TMEFF2: variants seen among roughly 807,000 people sequenced by gnomAD.
The protein encoded by TMEFF2 is tomoregulin-2.
A neutral mutation model predicts 53.8 loss-of-function variants in TMEFF2; 28 were observed. The ratio of observed to expected loss-of-function variants is 0.52; its 90% CI spans 0.39 to 0.71. TMEFF2 has a LOEUF of 0.71. Among genes scored for constraint, TMEFF2 ranks in the 30% least tolerant of loss-of-function variants. The pLI is 0.00. For missense variants in TMEFF2, 353 were observed against 455.2 expected (o/e 0.78, Z 2.04); for synonymous variants, 162 against 166.3 (o/e 0.97, Z 0.20).
chr2:191,958,185 G>A (rs374171271), intron 7 of TMEFF2, among the ~76,000 whole-genome samples: 2 of 152,294 alleles, frequency 1.3e-5, no homozygotes, highest in South Asian at 2.1e-4. Context: ...CTGTTTAAAG[G>A]AGACTTTAGC....
At chr2:192,107,677 C>T (rs979798486) in intron 4 of TMEFF2, among the ~76,000 whole-genome samples, 11 of 151,694 alleles carry the variant, frequency 7.3e-5, no homozygotes, top group African/African-American at 2.7e-4. Flanking sequence ...AGATATTCTT[C>T]CTATGTTTAT....
chr2:192,061,866 C>A (rs1320316184), intron 4 of TMEFF2, among the ~76,000 whole-genome samples: 4 of 152,098 alleles, frequency 2.6e-5, no homozygotes, highest in Non-Finnish European at 4.4e-5. Flanking sequence ...CTCTCTTGCT[C>A]CCCGTCTCGC....
At chr2:192,032,159 C>T (rs1687154120) in intron 5 of TMEFF2, 1 of 152,092 alleles carries the variant, frequency 6.6e-6, no homozygotes, top group South Asian at 2.1e-4. Flanking sequence ...TTCTTGAAGT[C>T]ATATATTGTC....
At chr2:191,952,566 TG>T (rs199883332) in intron 9 of TMEFF2, among the ~76,000 whole-genome samples, 2,311 of 152,196 alleles carry the variant, frequency 0.015, 33 homozygotes, top group Non-Finnish European at 0.022. Flanking sequence ...CATCTAAACG[TG>T]AGAGTCGAGT....
chr2:192,075,323 A>ATATG (rs1559115243), intron 4 of TMEFF2, among the ~76,000 whole-genome samples: 8 of 93,644 alleles, frequency 8.5e-5, no homozygotes, highest in African/African-American at 3.1e-4. Flanking sequence ...ATATATATAT[A>ATATG]TATATATATA....
At chr2:192,091,602 T>C (rs1158178882) in intron 4 of TMEFF2, among the ~76,000 whole-genome samples, 1 of 152,208 alleles carries the variant, frequency 6.6e-6, no homozygotes, top group Non-Finnish European at 1.5e-5. Flanking sequence ...GAAAGTGGAC[T>C]GTCTCTGTAA....
chr2:192,071,727 G>A lies in TMEFF2; in HGVS notation c.440-13952C>T, dbSNP rs193301855. Reference sequence around the variant, plus strand: ...CTACTTATACTACTACAATGTAAATGCTACGTAAATAATCCTTATACTGTA... The same window carrying A: ...CTACTTATACTACTACAATGTAAATACTACGTAAATAATCCTTATACTGTA... On this transcript the variant is annotated intron_variant, in intron 4 of 9. Transcript: ENST00000272771. Among the ~76,000 whole-genome samples, 1,025 of 151,872 alleles carry A rather than the reference G, an allele frequency of 6.7e-3. 8 individuals are homozygous for A. The highest frequency in any genetic ancestry group is 0.024 in the African/African-American group (989 of 41,450).
chr2:192,111,768 T>G (rs1372552820), intron 4 of TMEFF2, among the ~76,000 whole-genome samples: 2 of 152,156 alleles, frequency 1.3e-5, no homozygotes, highest in African/African-American at 2.4e-5. Context: ...AATGGTCGGC[T>G]GGGCCCATGG....
intron 4 of TMEFF2, among the ~76,000 whole-genome samples, chr2:192,155,712 C>G (rs928521043): frequency 6.6e-6 from 1 of 152,002 alleles, no homozygotes; most frequent in Non-Finnish European, 1.5e-5. Context: ...ACTGCAACAG[C>G]TGGATCAATA....
chr2:191,993,469 T>C (rs1686152527), intron 7 of TMEFF2, among the ~76,000 whole-genome samples: 1 of 152,012 alleles, frequency 6.6e-6, no homozygotes, highest in Non-Finnish European at 1.5e-5. Context: ...AGGGAGGCCC[T>C]GTCTCCCCTC....
chr2:192,084,570 TTTA>T (rs1435229600), intron 4 of TMEFF2, among the ~76,000 whole-genome samples: 2 of 152,236 alleles, frequency 1.3e-5, no homozygotes, highest in African/African-American at 4.8e-5. Context: ...TTCTCCACTT[TTTA>T]TTTTCACCTT....
At chr2:191,984,830 G>T (rs1685938600) in intron 7 of TMEFF2, among the ~76,000 whole-genome samples, 1 of 151,910 alleles carries the variant, frequency 6.6e-6, no homozygotes, top group Non-Finnish European at 1.5e-5. Flanking sequence ...CCAATCAGTG[G>T]GGAACAGAAC....
chr2:192,057,542 A>ATTTTTTTTTT, intron 5 of TMEFF2, 137 bp downstream of exon 5: 5 of 696,454 alleles, frequency 7.2e-6, no homozygotes, highest in South Asian at 2.0e-5. Flanking sequence ...CCTTGCCCTC[A>ATTTTTTTTTT]TTTTTTTTTT....
At chr2:192,003,928 TG>T (rs372342056) in intron 5 of TMEFF2, among the ~76,000 whole-genome samples, 17 of 119,308 alleles carry the variant, frequency 1.4e-4, no homozygotes, top group East Asian at 1.0e-3. Flanking sequence ...TGTGTGTGTG[TG>T]GGGGGGGGGC....
At chr2:191,982,252 A>G (rs897315476) in intron 7 of TMEFF2, among the ~76,000 whole-genome samples, 3 of 152,176 alleles carry the variant, frequency 2.0e-5, no homozygotes, top group Non-Finnish European at 4.4e-5. Context: ...AGGCTATTAT[A>G]TGAAACAGAC....
intron 4 of TMEFF2, among the ~76,000 whole-genome samples, chr2:192,144,625 A>G (rs972660494): frequency 6.6e-6 from 1 of 152,104 alleles, no homozygotes; most frequent in Non-Finnish European, 1.5e-5. Flanking sequence ...TTCATCTGAT[A>G]GTACTTTAAA....
At chr2:192,120,402 G>A (rs903604381) in intron 4 of TMEFF2, among the ~76,000 whole-genome samples, 2 of 152,118 alleles carry the variant, frequency 1.3e-5, no homozygotes, top group African/African-American at 4.8e-5. Flanking sequence ...AGTGAACATG[G>A]GATGTACATT....
intron 4 of TMEFF2, among the ~76,000 whole-genome samples, chr2:192,165,722 T>C (rs1268778613): frequency 6.7e-6 from 1 of 149,812 alleles, no homozygotes; most frequent in Non-Finnish European, 1.5e-5. Flanking sequence ...CATTTTTCTT[T>C]TGCATAGTCT....
At chr2:192,128,804 A>C (rs1574398037) in intron 4 of TMEFF2, among the ~76,000 whole-genome samples, 1 of 152,202 alleles carries the variant, frequency 6.6e-6, no homozygotes, top group East Asian at 1.9e-4. Context: ...GCAGCTTCCA[A>C]ATGTTGAAAG....
Sources: gnomAD v4.1 joint callset for allele counts (sites outside exome capture counted in the v4.1 genomes callset) on GRCh38, gnomAD v4.1.1 for gene constraint, MANE v1.5 for transcripts, NCBI Gene and HGNC (gene_info 2026-07-23, HGNC 2026-07-21) for gene names.